Variants in CAMTA1 observed in about 807,000 individuals in gnomAD.
The protein encoded by CAMTA1 is calmodulin-binding transcription activator 1.
In CAMTA1, 27 loss-of-function variants were observed where a neutral mutation model predicts 170.9. The observed-to-expected ratio is 0.16, with a 90% CI of 0.12 to 0.22. The LOEUF is 0.22. Ranked by LOEUF, CAMTA1 falls within the 10% of genes least tolerant of loss-of-function variation. The probability of loss-of-function intolerance (pLI) is 1.00; values close to 1 mark genes in which losing one functional copy is unlikely to be tolerated. For synonymous variants in CAMTA1, 833 were observed against 891.5 expected, an observed-to-expected ratio of 0.93 and a Z score of 1.17; for missense variants, 1,619 against 2,217.2, an observed-to-expected ratio of 0.73 and a Z score of 5.42.
chr1:7,225,623 G>A (rs1206373117), intron 4 of CAMTA1, among the ~76,000 whole-genome samples: 2 of 152,322 alleles, frequency 1.3e-5, no homozygotes. Context: ...ATGTGCCAGC[G>A]GGGTTGACAG....
At chr1:7,423,883 A>G (rs2091727664) in intron 5 of CAMTA1, among the ~76,000 whole-genome samples, 1 of 152,196 alleles carries the variant, frequency 6.6e-6, no homozygotes, top group African/African-American at 2.4e-5. Flanking sequence ...GCGAGAGGAC[A>G]GAGAGGGGAG....
intron 5 of CAMTA1, among the ~76,000 whole-genome samples, chr1:7,318,427 C>T (rs993441429): frequency 6.6e-6 from 1 of 152,136 alleles, no homozygotes; most frequent in African/African-American, 2.4e-5. Flanking sequence ...AGGCGAAGGC[C>T]AGTGAGTTTC....
chr1:7,469,370 G>A (rs1192363221), intron 6 of CAMTA1, among the ~76,000 whole-genome samples: 1 of 152,232 alleles, frequency 6.6e-6, no homozygotes, highest in Non-Finnish European at 1.5e-5. Context: ...TCTACCCGAT[G>A]AAGGGTGGGG....
chr1:6,846,170 C>T (rs1350108961), intron 3 of CAMTA1, among the ~76,000 whole-genome samples: 1 of 152,144 alleles, frequency 6.6e-6, no homozygotes, highest in East Asian at 1.9e-4. Flanking sequence ...CACAGCCAAA[C>T]CATATAAGAT....
At chr1:7,542,879 G>GTGTGTGTGTTT (rs1459264062) in intron 6 of CAMTA1, among the ~76,000 whole-genome samples, 1 of 138,172 alleles carries the variant, frequency 7.2e-6, no homozygotes, top group East Asian at 2.1e-4. Flanking sequence ...GTGTGTGTGT[G>GTGTGTGTGTTT]TTTGAGCCGG....
chr1:7,218,004 G>A (rs764034711), intron 4 of CAMTA1, among the ~76,000 whole-genome samples: 2 of 152,074 alleles, frequency 1.3e-5, no homozygotes, highest in Non-Finnish European at 2.9e-5. Context: ...CTTCAGAGGC[G>A]CCTGTGGGTA....
intron 5 of CAMTA1, among the ~76,000 whole-genome samples, chr1:7,442,604 G>A (rs1490866537): frequency 1.3e-5 from 2 of 152,128 alleles, no homozygotes; most frequent in African/African-American, 2.4e-5. Flanking sequence ...GAGGGTCAGA[G>A]CAGCCCTGGG....
intron 4 of CAMTA1, among the ~76,000 whole-genome samples, chr1:7,151,803 G>A (rs1043492511): frequency 3.3e-5 from 5 of 152,186 alleles, no homozygotes; most frequent in Non-Finnish European, 2.9e-5. Flanking sequence ...CAGTGGGTTC[G>A]AGTGTGCATA....
Position 7,665,622 on chromosome 1 carries a change from G to A in CAMTA1, c.2652+423G>A, listed in dbSNP as rs117768101. On this transcript the variant is annotated intron_variant, in intron 9 of 22. Coordinates refer to ENST00000303635, the MANE Select transcript of CAMTA1 (RefSeq NM_015215.4). This position sits in a 1 kb window ranked among gnomAD's most constrained non-coding sequence, Gnocchi z 4.3. ...CCCAGCTATTCTGGAGGCTGAGTCC[G>A]GAGGAGCACTTGAGCCCAAGAGGTT... is the stretch of plus-strand genomic sequence containing the variant. Among the ~76,000 whole-genome samples the A allele has an allele frequency of 7.4e-4, 113 of 152,240 alleles. 4 individuals are homozygous for A. The East Asian group carries it at 0.017, about 23-fold the overall frequency.
At chr1:7,231,920 C>T (rs949114789) in intron 4 of CAMTA1, among the ~76,000 whole-genome samples, 10 of 152,142 alleles carry the variant, frequency 6.6e-5, no homozygotes, top group Non-Finnish European at 1.3e-4. Flanking sequence ...CTTCTTGGAG[C>T]TCAAACAGAA....
rs527619424 is a variant in CAMTA1, at chr1:7,561,050, G to A, written c.511-79350G>A. Reference sequence around the variant, plus strand: ...CCTGGCCCTCTGCGCTCAGGCTCAGGGGGTGACGCTGGGCTGGGCGCTTCC... The same window carrying A: ...CCTGGCCCTCTGCGCTCAGGCTCAGAGGGTGACGCTGGGCTGGGCGCTTCC... On this transcript the variant is annotated intron_variant, in intron 6 of 22. Transcript: ENST00000303635. The surrounding 1 kb of genome is among the most constrained non-coding windows in gnomAD (Gnocchi z 5.3). Among the ~76,000 whole-genome samples, 3 of 152,280 alleles carry A rather than the reference G, an allele frequency of 2.0e-5. No individual in the cohort carries two copies. The South Asian group carries it at 6.2e-4, about 32-fold the overall frequency.
intron 4 of CAMTA1, among the ~76,000 whole-genome samples, chr1:7,120,689 C>G (rs1012020126): frequency 6.6e-6 from 1 of 152,204 alleles, no homozygotes; most frequent in Non-Finnish European, 1.5e-5. Context: ...TAGGCTCTCC[C>G]CACCACAGAT....
chr1:6,861,993 T>C (rs575583896), intron 3 of CAMTA1, among the ~76,000 whole-genome samples: 30 of 151,620 alleles, frequency 2.0e-4, no homozygotes, highest in African/African-American at 6.5e-4. Flanking sequence ...GACGGAGTCT[T>C]ACTCTGTCAC....
chr1:6,839,231 A>G (rs1313399369), intron 3 of CAMTA1, among the ~76,000 whole-genome samples: 1 of 151,798 alleles, frequency 6.6e-6, no homozygotes, highest in Non-Finnish European at 1.5e-5. Context: ...AAATACAATA[A>G]ATTAGCTGGG....
At position 6,962,249 on chromosome 1, in the gene CAMTA1, G is replaced by T. The variant is rs376395048; in HGVS notation, c.235-129055G>T. Reference sequence around the variant, plus strand: ...CGCTGTGTCCCCGGCCTGTGCAGCGGGGACACCCACCTCATTTTACTCCCC... The same window carrying T: ...CGCTGTGTCCCCGGCCTGTGCAGCGTGGACACCCACCTCATTTTACTCCCC... On this transcript the variant is annotated intron_variant, in intron 3 of 22. Transcript: ENST00000303635. Among the ~76,000 whole-genome samples the T allele has an allele frequency of 2.7e-3, 409 of 152,286 alleles. 1 individual carries two copies. Among genetic ancestry groups the T allele is most frequent in the Middle Eastern group, 0.017 (5 of 294 alleles).
intron 5 of CAMTA1, among the ~76,000 whole-genome samples, chr1:7,281,012 C>T (rs1190068401): frequency 6.6e-6 from 1 of 152,156 alleles, no homozygotes. Flanking sequence ...AAATTATTTA[C>T]AAACACAGAA....
chr1:6,808,203 C>T (rs529662673), intron 1 of CAMTA1, among the ~76,000 whole-genome samples: 6 of 151,732 alleles, frequency 4.0e-5, no homozygotes, highest in Non-Finnish European at 7.4e-5. Flanking sequence ...ATTTAATTCT[C>T]TGCTCAGGAG....
At chr1:7,721,138 C>A (rs143272162) in intron 11 of CAMTA1, among the ~76,000 whole-genome samples, 1 of 152,306 alleles carries the variant, frequency 6.6e-6, no homozygotes, top group African/African-American at 2.4e-5. Context: ...AGCTCACATT[C>A]TAGCCTCTAG....
intron 6 of CAMTA1, among the ~76,000 whole-genome samples, chr1:7,608,799 A>G (rs1437269888): frequency 6.6e-6 from 1 of 152,098 alleles, no homozygotes; most frequent in Non-Finnish European, 1.5e-5. Flanking sequence ...GCTTCGACAG[A>G]GCCAGAAGCG....
Sources: gnomAD v4.1 joint callset for allele counts (sites outside exome capture counted in the v4.1 genomes callset) on GRCh38, gnomAD v4.1.1 for gene constraint, Gnocchi (gnomAD v3.1) non-coding constraint, MANE v1.5 for transcripts, NCBI Gene and HGNC (gene_info 2026-07-23, HGNC 2026-07-21) for gene names.